Variants in CDC42BPB observed in about 807,000 individuals in gnomAD.
CDC42BPB encodes the protein serine/threonine-protein kinase MRCK beta.
Under a neutral mutation model 214.9 loss-of-function variants are expected in CDC42BPB, and 37 were observed. The observed-to-expected ratio is 0.17, with a 90% CI of 0.13 to 0.23. CDC42BPB has a LOEUF of 0.23. Ranked by LOEUF, CDC42BPB falls within the 10% of genes least tolerant of loss-of-function variation. The pLI is 1.00. For synonymous variants in CDC42BPB, 931 were observed against 884.0 expected (o/e 1.05, Z -0.94); for missense variants, 1,694 against 2,227.0 (o/e 0.76, Z 4.82).
At chr14:103,038,720 G>GT (rs968901328) in intron 1 of CDC42BPB, among the ~76,000 whole-genome samples, 3 of 113,690 alleles carry the variant, frequency 2.6e-5, no homozygotes, top group Admixed American at 9.0e-5. Flanking sequence ...AGAGACGGGG[G>GT]GGGGGGGCGG....
At position 103,043,843 on chromosome 14, in the gene CDC42BPB, T is replaced by C. The variant is rs999763481; in HGVS notation, c.175+13156A>G. On this transcript the variant is annotated intron_variant, in intron 1 of 36. Transcript: ENST00000361246. ...TCCTAACATATTATGTCACAAGGATTATCAAAACTTCATAAACACAAATCT... is the reference window on the plus strand; with the variant it reads ...TCCTAACATATTATGTCACAAGGATCATCAAAACTTCATAAACACAAATCT... Among the ~76,000 whole-genome samples the C allele has an allele frequency of 2.6e-5, 4 of 152,338 alleles. No homozygotes were observed. In the East Asian group the frequency reaches 7.7e-4, roughly 29 times the overall value.
chr14:102,959,660 C>T lies in CDC42BPB; in HGVS notation c.2872G>A (p.Ala958Thr). 2 of 1,609,866 alleles carry T rather than the reference C, an allele frequency of 1.2e-6. No homozygotes were observed. The highest frequency in any genetic ancestry group is 1.7e-6 in the Non-Finnish European group (2 of 1,178,206). The stretch of plus-strand genomic sequence containing the variant: ...AATGTCAGGTCATGTGCAAGAGGAG[C>T]AGTGTTGAAATACTCAAAAATGGAA... ...QDSIFEYFNT[A>T]PLAHDLTFRT... The change falls in exon 21 of 37, where the codon GCT becomes ACT. Residue 958 changes from alanine (A) to threonine (T), a missense_variant. Around this residue, in one of 7 missense-constraint regions of CDC42BPB, gnomAD observed 156 missense variants for 154.5 expected, o/e 1.01. Transcript: ENST00000361246.
chr14:102,967,835 C>T (rs1170045972), intron 16 of CDC42BPB, among the ~76,000 whole-genome samples: 2 of 152,208 alleles, frequency 1.3e-5, no homozygotes, highest in Admixed American at 1.3e-4. Context: ...GTGGCTCATG[C>T]CTGTAATCCC....
At chr14:102,961,909 T>G (rs1200123809) in intron 20 of CDC42BPB, among the ~76,000 whole-genome samples, 1 of 152,192 alleles carries the variant, frequency 6.6e-6, no homozygotes, top group Non-Finnish European at 1.5e-5. Context: ...GAAAAATACT[T>G]GCAACTTACA....
chr14:103,029,337 C>T (rs559083142), intron 1 of CDC42BPB, among the ~76,000 whole-genome samples: 1 of 152,162 alleles, frequency 6.6e-6, no homozygotes, highest in East Asian at 1.9e-4. Flanking sequence ...GTCAGGAGAT[C>T]GAAACCATCC....
chr14:102,934,404 T>C (rs952181286), intron 36 of CDC42BPB, among the ~76,000 whole-genome samples: 10 of 152,100 alleles, frequency 6.6e-5, no homozygotes, highest in Non-Finnish European at 1.2e-4. Flanking sequence ...CGTGGCAGCA[T>C]GCACCTGTAG....
At chr14:103,029,649 G>A (rs143546077) in intron 1 of CDC42BPB, among the ~76,000 whole-genome samples, 17 of 151,554 alleles carry the variant, frequency 1.1e-4, no homozygotes, top group Admixed American at 1.1e-3. Context: ...GAGGTCAAGA[G>A]ATCGAGAGCA....
chr14:102,941,060 C>T (rs1029852342), intron 30 of CDC42BPB: 37 of 944,036 alleles, frequency 3.9e-5, no homozygotes, highest in African/African-American at 8.9e-5. Flanking sequence ...GCTTTCTCCA[C>T]GTTTAGAAGA....
At position 102,940,036 on chromosome 14, in the gene CDC42BPB, G is replaced by A. The variant is rs774640466; in HGVS notation, c.4591+10C>T. On this transcript the variant is annotated intron_variant, in intron 32 of 36. Transcript: ENST00000361246. ...CCTTCCCTCCACTCCCGGTGCAGAGGAAGGCTCACCCGAGAACTTGCTCTT... is the reference window on the plus strand; with the variant it reads ...CCTTCCCTCCACTCCCGGTGCAGAGAAAGGCTCACCCGAGAACTTGCTCTT... 26 of 1,613,836 alleles carry A rather than the reference G, an allele frequency of 1.6e-5. No individual in the cohort carries two copies. The highest frequency in any genetic ancestry group is 2.2e-5 in the Non-Finnish European group (26 of 1,180,038).
At chr14:103,052,927 A>T (rs1477353479) in intron 1 of CDC42BPB, among the ~76,000 whole-genome samples, 2 of 152,268 alleles carry the variant, frequency 1.3e-5, no homozygotes, top group African/African-American at 4.8e-5. Flanking sequence ...TATATGACAA[A>T]GATGAAAGAC....
At chr14:102,994,526 C>A (rs1231601576) in intron 5 of CDC42BPB, among the ~76,000 whole-genome samples, 1 of 152,200 alleles carries the variant, frequency 6.6e-6, no homozygotes, top group Admixed American at 6.5e-5. Flanking sequence ...TGACGGTCCC[C>A]ATGGGCCACT....
chr14:102,966,502 T>A, intron 17 of CDC42BPB, 115 bp from the exon 18 acceptor site: 1 of 1,500,524 alleles, frequency 6.7e-7, no homozygotes, highest in Non-Finnish European at 8.9e-7. Context: ...TCACGTCAGC[T>A]AGAGTGCCCG....
In CDC42BPB at chr14:102,951,992, A is replaced by T. The variant is rs547748169; in HGVS notation, c.3172+506T>A. ...AGTCACCACAGAGGCGCACAGCACAATGGAGCCCCCAGCACAGCAGGGATC... is the reference window on the plus strand; with the variant it reads ...AGTCACCACAGAGGCGCACAGCACATTGGAGCCCCCAGCACAGCAGGGATC... On this transcript the variant is annotated intron_variant, in intron 24 of 36. Coordinates refer to ENST00000361246, the MANE Select transcript of CDC42BPB (RefSeq NM_006035.4). Among the ~76,000 whole-genome samples the T allele has an allele frequency of 1.8e-4, 27 of 152,274 alleles. No individual in the cohort carries two copies. In the East Asian group the frequency reaches 3.9e-3, roughly 22 times the overall value.
chr14:102,988,353 TAAAAA>T (rs57459341), intron 5 of CDC42BPB, among the ~76,000 whole-genome samples: 1 of 124,172 alleles, frequency 8.1e-6, no homozygotes, highest in Non-Finnish European at 1.7e-5. Context: ...TTCCAGAAAT[TAAAAA>T]AAAAAAAAAA....
chr14:103,029,633 G>T (rs1887244885), intron 1 of CDC42BPB, among the ~76,000 whole-genome samples: 1 of 151,644 alleles, frequency 6.6e-6, no homozygotes, highest in Non-Finnish European at 1.5e-5. Context: ...GACATGGGCG[G>T]ATCACGAGGT....
At chr14:102,974,715 C>T (rs887145439) in intron 11 of CDC42BPB, among the ~76,000 whole-genome samples, 13 of 152,226 alleles carry the variant, frequency 8.5e-5, no homozygotes, top group South Asian at 6.2e-4. Context: ...CCCAGCACTT[C>T]GGGAGGCCAA....
intron 21 of CDC42BPB, among the ~76,000 whole-genome samples, chr14:102,957,565 C>A (rs1021826672): frequency 6.6e-6 from 1 of 152,194 alleles, no homozygotes; most frequent in Admixed American, 6.5e-5. Context: ...GGGCACTTAC[C>A]GGTTAAATAG....
chr14:103,024,048 A>C (rs1025368546), intron 1 of CDC42BPB, among the ~76,000 whole-genome samples: 3 of 152,182 alleles, frequency 2.0e-5, no homozygotes, highest in Non-Finnish European at 4.4e-5. Flanking sequence ...GAAATCGAGA[A>C]TGAATCCTCA....
chr14:103,000,090 G>A (rs1433524289), intron 4 of CDC42BPB, among the ~76,000 whole-genome samples: 3 of 152,186 alleles, frequency 2.0e-5, no homozygotes, highest in African/African-American at 7.2e-5. Flanking sequence ...TGTTATGTGA[G>A]GACGACACCA....
Sources: allele counts gnomAD v4.1 joint callset (sites outside exome capture counted in the v4.1 genomes callset), GRCh38; gene constraint gnomAD v4.1.1; regional missense constraint gnomAD v4.1.1; transcripts MANE v1.5; gene names NCBI Gene and HGNC (gene_info 2026-07-23, HGNC 2026-07-21).